MYO1H: variants seen among roughly 807,000 people sequenced by gnomAD.
MYO1H encodes the protein myosin IH.
MYO1H carries 118 observed loss-of-function variants against 149.3 expected under a neutral mutation model. The ratio of observed to expected loss-of-function variants is 0.79; its 90% CI spans 0.68 to 0.92. The LOEUF is 0.92. Among genes scored for constraint, MYO1H ranks in the 40% least tolerant of loss-of-function variants. The pLI is 0.00. For missense variants in MYO1H, 1,212 were observed against 1,280.7 expected (o/e 0.95, Z 0.82); for synonymous variants, 447 against 465.2 (o/e 0.96, Z 0.50).
At chr12:109,331,740 C>T in the MYO1H span, among the ~76,000 whole-genome samples, 6 of 152,194 alleles carry the variant, frequency 3.9e-5, no homozygotes, top group Admixed American at 3.3e-4. Context: ...TTCTCCCGTG[C>T]AATTACTCTC....
intron 1 of MYO1H, among the ~76,000 whole-genome samples, chr12:109,357,458 AC>A (rs1269846751): frequency 1.3e-5 from 2 of 152,216 alleles, no homozygotes; most frequent in African/African-American, 4.8e-5. Flanking sequence ...GCTAAACGGG[AC>A]ATTGAACAGG....
intron 10 of MYO1H, 141 bp downstream of exon 10, chr12:109,408,054 C>T: frequency 2.8e-6 from 3 of 1,057,874 alleles, no homozygotes; most frequent in Non-Finnish European, 4.2e-6. Flanking sequence ...ATTCACATTT[C>T]CCATGTCTAG....
chr12:109,424,183 C>G (rs1300116639), intron 16 of MYO1H, among the ~76,000 whole-genome samples: 1 of 152,028 alleles, frequency 6.6e-6, no homozygotes, highest in Admixed American at 6.6e-5. Flanking sequence ...CTTTTTGAGA[C>G]AGGTTCTCAG....
chr12:109,366,195 C>T (rs1868861881), intron 1 of MYO1H, among the ~76,000 whole-genome samples: 1 of 152,200 alleles, frequency 6.6e-6, no homozygotes, highest in African/African-American at 2.4e-5. Flanking sequence ...TTCAGAACTT[C>T]TTATGCCTTT....
intron 5 of MYO1H, among the ~76,000 whole-genome samples, chr12:109,399,666 C>G (rs1263700579): frequency 2.0e-5 from 3 of 151,030 alleles, no homozygotes; most frequent in African/African-American, 2.4e-5. Flanking sequence ...AATCCCAGCA[C>G]TTTGGGAGGT....
At chr12:109,370,960 C>T (rs1185828890) in intron 1 of MYO1H, among the ~76,000 whole-genome samples, 1 of 152,156 alleles carries the variant, frequency 6.6e-6, no homozygotes, top group Non-Finnish European at 1.5e-5. Flanking sequence ...AGTTTCATAA[C>T]TGTAACTTGT....
chr12:109,342,972 C>T (rs995268686), upstream of MYO1H, among the ~76,000 whole-genome samples: 6 of 151,720 alleles, frequency 4.0e-5, no homozygotes, highest in South Asian at 6.3e-4. Context: ...TATCCCAGCA[C>T]GTTGGGAGGC....
chr12:109,427,135 G>A (rs1221976338), intron 18 of MYO1H, among the ~76,000 whole-genome samples: 3 of 151,944 alleles, frequency 2.0e-5, no homozygotes, highest in African/African-American at 7.3e-5. Flanking sequence ...GGCCAACACG[G>A]TGAAACCACG....
the MYO1H span, among the ~76,000 whole-genome samples, chr12:109,310,762 C>T: frequency 6.6e-6 from 1 of 152,188 alleles, no homozygotes; most frequent in Non-Finnish European, 1.5e-5. Context: ...AGCACCTGGA[C>T]GTCCTTCCTC....
At chr12:109,412,839 G>A (rs911125730) in intron 14 of MYO1H, among the ~76,000 whole-genome samples, 66 of 152,014 alleles carry the variant, frequency 4.3e-4, no homozygotes, top group African/African-American at 1.6e-3. Context: ...AGGCTGGAGT[G>A]CAGTTGTGCA....
At chr12:109,402,015 C>T (rs1870189275) in intron 6 of MYO1H, among the ~76,000 whole-genome samples, 1 of 152,206 alleles carries the variant, frequency 6.6e-6, no homozygotes, top group Non-Finnish European at 1.5e-5. Context: ...GCTGAGTTTA[C>T]AGGCACGAGC....
chr12:109,313,932 T>G, the MYO1H span, among the ~76,000 whole-genome samples: 1 of 152,192 alleles, frequency 6.6e-6, no homozygotes, highest in African/African-American at 2.4e-5. Context: ...TTCCCCAGTC[T>G]GGAGTGCAGT....
At chr12:109,430,344 G>C (rs939148973) in intron 19 of MYO1H, among the ~76,000 whole-genome samples, 4 of 152,182 alleles carry the variant, frequency 2.6e-5, no homozygotes, top group Non-Finnish European at 4.4e-5. Flanking sequence ...TAGAGTTGAA[G>C]ACATAAGGTA....
chr12:109,412,675 G>A (rs969053300), intron 14 of MYO1H, among the ~76,000 whole-genome samples: 4 of 152,120 alleles, frequency 2.6e-5, no homozygotes, highest in East Asian at 3.9e-4. Flanking sequence ...CATCCCACAA[G>A]ATCAACTAGA....
At chr12:109,341,257 G>A in the MYO1H span, among the ~76,000 whole-genome samples, 66 of 142,092 alleles carry the variant, frequency 4.6e-4, no homozygotes, top group Middle Eastern at 7.7e-3. Flanking sequence ...CCTTTTCACA[G>A]CACATTCCAG....
the MYO1H span, among the ~76,000 whole-genome samples, chr12:109,326,450 G>A: frequency 6.6e-6 from 1 of 152,142 alleles, no homozygotes; most frequent in South Asian, 2.1e-4. Context: ...AAGCCACCTA[G>A]ATTCAAGGGA....
chr12:109,320,274 A>G, the MYO1H span, among the ~76,000 whole-genome samples: 1 of 152,048 alleles, frequency 6.6e-6, no homozygotes, highest in Non-Finnish European at 1.5e-5. Context: ...TTATTGTTCC[A>G]CTGCACTCCA....
At chr12:109,420,720 G>A (rs1871136265) in intron 15 of MYO1H, among the ~76,000 whole-genome samples, 1 of 152,018 alleles carries the variant, frequency 6.6e-6, no homozygotes, top group Admixed American at 6.6e-5. Context: ...AAATACATTT[G>A]GTTGTCACAA....
At chr12:109,433,769 T>A (rs1036911481) in intron 20 of MYO1H, among the ~76,000 whole-genome samples, 2 of 152,152 alleles carry the variant, frequency 1.3e-5, no homozygotes, top group Non-Finnish European at 2.9e-5. Context: ...AGTCCAGATC[T>A]CCAAGGGGAT....
Sources: gnomAD v4.1 joint callset for allele counts (sites outside exome capture counted in the v4.1 genomes callset) on GRCh38, gnomAD v4.1.1 for gene constraint, MANE v1.5 for transcripts, NCBI Gene and HGNC (gene_info 2026-07-23, HGNC 2026-07-21) for gene names.